The following ART3 variants were observed in gnomAD, a reference collection of about 807,000 sequenced individuals.
ART3 encodes the protein ADP-ribosyltransferase 3 (inactive).
ART3 carries 49 observed loss-of-function variants against 48.5 expected under a neutral mutation model. That is an observed-to-expected ratio of 1.01 (90% CI 0.80 to 1.28). The LOEUF is 1.28. Among genes scored for constraint, ART3 ranks in the 50% most tolerant of loss-of-function variants. The probability of loss-of-function intolerance (pLI) is 0.00; values close to 1 mark genes in which losing one functional copy is unlikely to be tolerated. For missense variants in ART3, 438 were observed against 454.3 expected, an observed-to-expected ratio of 0.96 and a Z score of 0.33; for synonymous variants, 145 against 157.2, an observed-to-expected ratio of 0.92 and a Z score of 0.58.
intron 1 of ART3, chr4:76,011,966 T>A (rs1002027667): frequency 1.3e-5 from 2 of 152,178 alleles, no homozygotes; most frequent in African/African-American, 2.4e-5. Flanking sequence ...GTTGCAGGCG[T>A]TTCTCACAGC....
At chr4:76,107,712 G>A in intron 10 of ART3, 49 bp from the exon 11 acceptor site, 1 of 1,256,674 alleles carries the variant, frequency 8.0e-7, no homozygotes, top group South Asian at 1.4e-5. Context: ...TTCTTTTCTG[G>A]ATAAACAGAT....
At chr4:76,020,226 A>G (rs1386160470) in intron 1 of ART3, among the ~76,000 whole-genome samples, 1 of 151,680 alleles carries the variant, frequency 6.6e-6, no homozygotes, top group Admixed American at 6.6e-5. Flanking sequence ...TCCTGGGCTC[A>G]GGTGATCCTC....
intron 3 of ART3, among the ~76,000 whole-genome samples, chr4:76,089,292 T>G (rs1724296422): frequency 6.6e-6 from 1 of 152,176 alleles, no homozygotes; most frequent in Non-Finnish European, 1.5e-5. Context: ...GGATCTGTGT[T>G]CCTACTCAAA....
chr4:76,101,170 G>A, intron 8 of ART3, 151 bp downstream of exon 8: 1 of 859,874 alleles, frequency 1.2e-6, no homozygotes, highest in East Asian at 2.5e-5. Context: ...GACTCTCCTG[G>A]GTTTCAGGTA....
intron 2 of ART3, among the ~76,000 whole-genome samples, chr4:76,080,178 A>G (rs41349449): frequency 0.11 from 16,880 of 152,254 alleles, 1,275 homozygotes; most frequent in East Asian, 0.34. Context: ...TTTTTGATCC[A>G]TAAGCCAGAG....
intron 1 of ART3, chr4:76,036,166 T>C: frequency 1.7e-6 from 1 of 576,686 alleles, no homozygotes; most frequent in Non-Finnish European, 3.1e-6. Flanking sequence ...CATGCACCTT[T>C]CCTGCTTCCA....
chr4:76,046,452 G>T (rs1168326713), intron 1 of ART3, among the ~76,000 whole-genome samples: 2 of 152,040 alleles, frequency 1.3e-5, no homozygotes, highest in African/African-American at 4.8e-5. Flanking sequence ...GTGTTGCAGG[G>T]ACTGCTGCAT....
intron 1 of ART3, chr4:76,034,966 AGTT>A: frequency 7.1e-7 from 1 of 1,414,982 alleles, no homozygotes; most frequent in South Asian, 1.2e-5. Context: ...ATCTTTCTGT[AGTT>A]GTCCACATTA....
chr4:76,048,938 C>A lies in ART3; in HGVS notation c.-9-26943C>A, dbSNP rs543334081. Among the ~76,000 whole-genome samples, 62 of 152,062 alleles carry A rather than the reference C, an allele frequency of 4.1e-4. 1 individual carries two copies. The highest frequency in any genetic ancestry group is 1.5e-3 in the African/African-American group (62 of 41,522). ...CCCAAAAATGAAGTGGAGGGCCATA[C>A]CCTGAGGGAGGGAAGGGATCTTCAG... On this transcript the variant is annotated intron_variant, in intron 1 of 9. Transcript: ENST00000341029.
intron 1 of ART3, among the ~76,000 whole-genome samples, chr4:76,043,728 G>T (rs35035038): frequency 0.21 from 31,620 of 148,810 alleles, 4,076 homozygotes; most frequent in East Asian, 0.4. Flanking sequence ...CCAGAAAGGG[G>T]CTCCCACAGT....
At chr4:76,034,219 G>T (rs1140835) in intron 1 of ART3, 3 of 384,142 alleles carry the variant, frequency 7.8e-6, no homozygotes. Flanking sequence ...GGGGAAAGAA[G>T]TGTGTATTTG....
rs534637874 is a variant in ART3, at chr4:76,040,370, C to T, written c.-10+29050C>T. ...ATTAGAAAATGTGTAATAAGAAGAA[C>T]CTTACCACCAGAGATGACCACTGCT... is the stretch of plus-strand genomic sequence containing the variant. On this transcript the variant is annotated intron_variant, in intron 1 of 9. Coordinates refer to the ART3 transcript ENST00000341029. Among the ~76,000 whole-genome samples, 4 of 151,376 alleles carry T rather than the reference C, an allele frequency of 2.6e-5. No homozygotes were observed. In the East Asian group the frequency reaches 7.8e-4, roughly 30 times the overall value.
rs141108563 is a variant in ART3 at position 76,095,352 on chromosome 4, AC to A, written c.782-2291del. On this transcript the variant is annotated intron_variant, in intron 3 of 11. Transcript: ENST00000355810. ...GTGAAACCCTGCCTCTATTAAAAAT[AC>A]AAAAATTAGCTGGATGTGGTGGTGG... Among the ~76,000 whole-genome samples, 270 of 152,230 alleles carry A rather than the reference AC, an allele frequency of 1.8e-3. 2 individuals are homozygous for A. The highest frequency in any genetic ancestry group is 6.5e-3 in the African/African-American group (268 of 41,544).
chr4:76,099,928 T>C (rs921580796), intron 5 of ART3, among the ~76,000 whole-genome samples: 1 of 152,250 alleles, frequency 6.6e-6, no homozygotes, highest in African/African-American at 2.4e-5. Context: ...CTTTATGCCT[T>C]GAAGACTTGC....
chr4:76,041,823 G>T (rs1735001491), intron 1 of ART3, among the ~76,000 whole-genome samples: 1 of 152,164 alleles, frequency 6.6e-6, no homozygotes, highest in African/African-American at 2.4e-5. Context: ...TTAAACTAAA[G>T]CTGAGGTTGG....
chr4:76,051,770 G>T (rs1736112470), intron 1 of ART3, among the ~76,000 whole-genome samples: 1 of 151,944 alleles, frequency 6.6e-6, no homozygotes, highest in Non-Finnish European at 1.5e-5. Flanking sequence ...TCGAATTCCT[G>T]TGCCCAAGTG....
At chr4:76,110,749 A>G (rs1205333251) in intron 11 of ART3, among the ~76,000 whole-genome samples, 1 of 152,024 alleles carries the variant, frequency 6.6e-6, no homozygotes, top group Non-Finnish European at 1.5e-5. Context: ...TTATACATGG[A>G]TTTTTTTTAA....
intron 3 of ART3, among the ~76,000 whole-genome samples, chr4:76,082,760 T>A (rs1274432901): frequency 6.6e-6 from 1 of 152,234 alleles, no homozygotes; most frequent in Non-Finnish European, 1.5e-5. Flanking sequence ...CAGTGGTTCT[T>A]AACCAAAGGC....
intron 1 of ART3, among the ~76,000 whole-genome samples, chr4:76,053,707 G>A (rs2149463258): frequency 6.6e-6 from 1 of 152,310 alleles, no homozygotes; most frequent in South Asian, 2.1e-4. Context: ...TTAGAACACA[G>A]AAGTAGAAAT....
Sources: allele counts gnomAD v4.1 joint callset (sites outside exome capture counted in the v4.1 genomes callset), GRCh38; gene constraint gnomAD v4.1.1; transcripts MANE v1.5; gene names NCBI Gene and HGNC (gene_info 2026-07-23, HGNC 2026-07-21).